Variants in FBXO36 observed in about 807,000 individuals in gnomAD.
The protein encoded by FBXO36 is F-box only protein 36.
FBXO36 carries 18 observed loss-of-function variants against 17.0 expected under a neutral mutation model. The observed-to-expected ratio is 1.06, with a 90% CI of 0.73 to 1.57. The LOEUF (loss-of-function observed/expected upper bound fraction) is 1.57. Among genes scored for constraint, FBXO36 ranks in the 40% most tolerant of loss-of-function variants. The pLI is 0.00. For synonymous variants in FBXO36, 83 were observed against 85.3 expected (o/e 0.97, Z 0.15); for missense variants, 229 against 221.9 (o/e 1.03, Z -0.20).
chr2:230,010,542 G>C (rs1030314991), intron 3 of FBXO36, among the ~76,000 whole-genome samples, 154 bp from the exon 4 acceptor site: 3 of 152,198 alleles, frequency 2.0e-5, no homozygotes, highest in Admixed American at 1.3e-4. Flanking sequence ...TTACATATTT[G>C]TGTCTGGCTG....
chr2:230,006,753 C>T (rs1292070494), intron 3 of FBXO36, among the ~76,000 whole-genome samples: 5 of 152,122 alleles, frequency 3.3e-5, no homozygotes, highest in East Asian at 1.9e-4. Context: ...GTTAAGAGTG[C>T]GGTGTGCAGG....
intron 1 of FBXO36, among the ~76,000 whole-genome samples, 163 bp from the exon 2 acceptor site, chr2:229,976,077 CT>C (rs1044744844): frequency 6.6e-6 from 1 of 152,128 alleles, no homozygotes; most frequent in African/African-American, 2.4e-5. Context: ...GGAAAATGTT[CT>C]TTGATGCCCA....
At chr2:229,983,156 A>G (rs936291876) in intron 2 of FBXO36, among the ~76,000 whole-genome samples, 5 of 151,836 alleles carry the variant, frequency 3.3e-5, no homozygotes, top group Non-Finnish European at 4.4e-5. Flanking sequence ...TGGGTGGATC[A>G]CCTGTGGCCG....
intron 1 of FBXO36, among the ~76,000 whole-genome samples, chr2:229,926,148 G>C (rs939183995): frequency 6.6e-6 from 1 of 150,708 alleles, no homozygotes; most frequent in Non-Finnish European, 1.5e-5. Flanking sequence ...AAAAAAAAGG[G>C]GGGGCTGAGC....
intron 1 of FBXO36, among the ~76,000 whole-genome samples, chr2:229,926,762 ACTCTAG>A (rs934769656): frequency 5.3e-5 from 8 of 151,740 alleles, no homozygotes; most frequent in Non-Finnish European, 8.8e-5. Flanking sequence ...TGTTATTCTT[ACTCTAG>A]CTCTAGTAGT....
intron 1 of FBXO36, among the ~76,000 whole-genome samples, chr2:229,946,179 A>G (rs2077026482): frequency 6.6e-6 from 1 of 152,148 alleles, no homozygotes; most frequent in Non-Finnish European, 1.5e-5. Flanking sequence ...TGGGACATGT[A>G]TGATCCAGGT....
intron 1 of FBXO36, among the ~76,000 whole-genome samples, chr2:229,956,195 A>C (rs2077086356): frequency 6.6e-6 from 1 of 152,184 alleles, no homozygotes; most frequent in Non-Finnish European, 1.5e-5. Context: ...ATTTTCTCAG[A>C]GTTCTGGAAA....
intron 3 of FBXO36, among the ~76,000 whole-genome samples, chr2:230,001,853 C>T (rs2077360653): frequency 6.6e-6 from 1 of 151,310 alleles, no homozygotes; most frequent in Non-Finnish European, 1.5e-5. Flanking sequence ...AAAGTCACTC[C>T]ATCACCCAGG....
chr2:229,996,290 T>G (rs1263740869), intron 2 of FBXO36, among the ~76,000 whole-genome samples: 5 of 151,370 alleles, frequency 3.3e-5, no homozygotes, highest in Non-Finnish European at 7.4e-5. Flanking sequence ...ATAAGTTAAA[T>G]AAGAGATCAA....
intron 1 of FBXO36, among the ~76,000 whole-genome samples, chr2:229,955,733 T>C (rs998581727): frequency 6.6e-6 from 1 of 152,228 alleles, no homozygotes; most frequent in Non-Finnish European, 1.5e-5. Flanking sequence ...AAAACCCATC[T>C]AATTCCAAAC....
chr2:229,925,227 GA>G (rs1481645963), intron 1 of FBXO36, among the ~76,000 whole-genome samples: 2 of 151,800 alleles, frequency 1.3e-5, no homozygotes, highest in Non-Finnish European at 2.9e-5. Context: ...TAAGCATGCT[GA>G]ATAAATCCAC....
intron 1 of FBXO36, among the ~76,000 whole-genome samples, chr2:229,936,635 G>A (rs996438944): frequency 6.6e-6 from 1 of 152,158 alleles, no homozygotes; most frequent in African/African-American, 2.4e-5. Flanking sequence ...TTGTGAGCCT[G>A]AGGCAGGAGA....
rs1176794800 is a variant in FBXO36, at chr2:229,954,542, C to CTTT, written c.97-21679_97-21677dup. On this transcript the variant is annotated intron_variant, in intron 1 of 3. Coordinates refer to ENST00000283946, the MANE Select transcript of FBXO36 (RefSeq NM_174899.5). ...ACAGGCATGAGCCACTGCACCCGGC[C>CTTT]TTTTTTTTTTTTTTTTTTTTTTGAG... Among the ~76,000 whole-genome samples, 250 of 78,764 alleles carry CTTT rather than the reference C, an allele frequency of 3.2e-3. 3 individuals are homozygous for CTTT. The highest frequency in any genetic ancestry group is 0.016 in the Middle Eastern group (1 of 62). The allele number at this position is 78,764 out of a possible 152,430, so 51.7% of individuals were successfully genotyped here. A position where few individuals can be genotyped will look rare whatever the true frequency, so the allele number is the denominator to read the frequency against.
At chr2:230,006,920 G>C (rs978528135) in intron 3 of FBXO36, among the ~76,000 whole-genome samples, 1 of 152,218 alleles carries the variant, frequency 6.6e-6, no homozygotes, top group Non-Finnish European at 1.5e-5. Context: ...CTATTCCACA[G>C]TTGAGGATGG....
chr2:229,990,959 C>G (rs1253719634), intron 2 of FBXO36, among the ~76,000 whole-genome samples: 1 of 151,710 alleles, frequency 6.6e-6, no homozygotes, highest in Non-Finnish European at 1.5e-5. Context: ...TCCCCCGCCC[C>G]GAGTTGGGAG....
chr2:229,998,946 G>A (rs560943881), intron 3 of FBXO36, among the ~76,000 whole-genome samples: 1 of 151,380 alleles, frequency 6.6e-6, no homozygotes, highest in South Asian at 2.1e-4. Context: ...GGGACTACAG[G>A]TGCCCGCCAC....
At position 229,948,751 on chromosome 2, in the gene FBXO36, C is replaced by A. The variant is rs564338137; in HGVS notation, c.96+26142C>A. On this transcript the variant is annotated intron_variant, in intron 1 of 3. Transcript: ENST00000283946. Reference sequence around the variant, plus strand: ...GGTACCACGCAAAAGCAGCCAAATTCTGAAAGTGACGGAAAACCCAAATGG... The same window carrying A: ...GGTACCACGCAAAAGCAGCCAAATTATGAAAGTGACGGAAAACCCAAATGG... Among the ~76,000 whole-genome samples, 114 of 152,316 alleles carry A rather than the reference C, an allele frequency of 7.5e-4. 2 individuals carry two copies. The South Asian group carries it at 0.014, about 19-fold the overall frequency.
chr2:229,988,508 T>A (rs148889048), intron 2 of FBXO36, among the ~76,000 whole-genome samples: 1 of 152,238 alleles, frequency 6.6e-6, no homozygotes, highest in African/African-American at 2.4e-5. Flanking sequence ...AGATATTCTT[T>A]GTTTTGTTTT....
At chr2:229,939,903 GAAACCAC>G (rs2076988791) in intron 1 of FBXO36, among the ~76,000 whole-genome samples, 1 of 152,142 alleles carries the variant, frequency 6.6e-6, no homozygotes, top group Non-Finnish European at 1.5e-5. Flanking sequence ...TCAACATGGT[GAAACCAC>G]GTCTCTACAA....
Sources: allele counts gnomAD v4.1 joint callset (sites outside exome capture counted in the v4.1 genomes callset), GRCh38; gene constraint gnomAD v4.1.1; transcripts MANE v1.5; gene names NCBI Gene and HGNC (gene_info 2026-07-23, HGNC 2026-07-21).